The following NCOA2 variants were observed in gnomAD, a reference collection of about 807,000 sequenced individuals.
NCOA2 encodes nuclear receptor coactivator 2, also known as class E basic helix-loop-helix protein 75.
Under a neutral mutation model 145.1 loss-of-function variants are expected in NCOA2, and 21 were observed. That is an observed-to-expected ratio of 0.14 (90% CI 0.10 to 0.21). NCOA2 has a LOEUF of 0.21. NCOA2 is among the 10% of genes least tolerant of loss of function. The pLI is 1.00. For synonymous variants in NCOA2, 619 were observed against 637.5 expected (o/e 0.97, Z 0.44); for missense variants, 1,472 against 1,837.6 (o/e 0.80, Z 3.64).
the NCOA2 span, among the ~76,000 whole-genome samples, chr8:70,455,881 C>G: frequency 6.6e-6 from 1 of 152,062 alleles, no homozygotes; most frequent in Non-Finnish European, 1.5e-5. Flanking sequence ...GAGATTCCAT[C>G]TAGATCAGAT....
At chr8:70,220,608 C>A (rs1820053702) in intron 2 of NCOA2, among the ~76,000 whole-genome samples, 1 of 152,120 alleles carries the variant, frequency 6.6e-6, no homozygotes, top group African/African-American at 2.4e-5. Context: ...GTGAACAAAG[C>A]CAGTTGAATC....
intron 2 of NCOA2, among the ~76,000 whole-genome samples, chr8:70,290,810 T>TA (rs61035289): frequency 0.016 from 2,420 of 147,614 alleles, 68 homozygotes; most frequent in African/African-American, 0.058. Context: ...AATTTCAGCT[T>TA]AAAAAAAAAA....
At chr8:70,329,022 C>T (rs886064079) in intron 1 of NCOA2, among the ~76,000 whole-genome samples, 1 of 152,124 alleles carries the variant, frequency 6.6e-6, no homozygotes, top group Non-Finnish European at 1.5e-5. Flanking sequence ...GTGGCATGAT[C>T]ATAGCTCACT....
chr8:70,439,626 A>G, the NCOA2 span, among the ~76,000 whole-genome samples: 1 of 152,014 alleles, frequency 6.6e-6, no homozygotes, highest in African/African-American at 2.4e-5. Flanking sequence ...ATACGTGGAT[A>G]AGGTGAACAT....
At chr8:70,214,214 A>G in intron 3 of NCOA2, 139 bp from the exon 4 acceptor site, 1 of 837,792 alleles carries the variant, frequency 1.2e-6, no homozygotes, top group Non-Finnish European at 1.8e-6. Flanking sequence ...TGGGGGAAAA[A>G]CACAATTTTC....
rs951257879 is a variant in NCOA2 at position 70,159,751 on chromosome 8, C to T, written c.977-99G>A. The T allele has an allele frequency of 2.8e-6, 3 of 1,079,316 alleles. No individual in the cohort carries two copies. In the African/African-American group the frequency reaches 4.7e-5, roughly 17 times the overall value. The allele number at this position is 1,079,316 out of a possible 1,614,324, so 66.9% of individuals were successfully genotyped here. A position where few individuals can be genotyped will look rare whatever the true frequency, so the allele number is the denominator to read the frequency against. ...AAGAGTAATCAACTTCATTAAGTTTCATAATAGTTTCCCACCAGCATGTAA... is the reference window on the plus strand; with the variant it reads ...AAGAGTAATCAACTTCATTAAGTTTTATAATAGTTTCCCACCAGCATGTAA... On this transcript the variant is annotated intron_variant, in intron 9 of 22. Transcript: ENST00000452400.
At chr8:70,441,419 C>T in the NCOA2 span, among the ~76,000 whole-genome samples, 1 of 100,614 alleles carries the variant, frequency 9.9e-6, no homozygotes, top group East Asian at 2.6e-4. Context: ...AGAAAGAAAA[C>T]AAAGAGGGAG....
intron 2 of NCOA2, among the ~76,000 whole-genome samples, chr8:70,230,226 G>C (rs542816395): frequency 6.6e-6 from 1 of 152,254 alleles, no homozygotes; most frequent in Admixed American, 6.5e-5. Context: ...TACTGCAAAA[G>C]GCCACATATT....
At chr8:70,196,634 A>G (rs114610263) in intron 4 of NCOA2, among the ~76,000 whole-genome samples, 1,805 of 152,322 alleles carry the variant, frequency 0.012, 50 homozygotes, top group African/African-American at 0.041. Context: ...AATTATCAAA[A>G]TCTCTTTTCT....
At chr8:70,427,944 T>C in the NCOA2 span, among the ~76,000 whole-genome samples, 1 of 152,196 alleles carries the variant, frequency 6.6e-6, no homozygotes, top group Admixed American at 6.5e-5. Context: ...GTCACAATTA[T>C]ATGCCACAAA....
chr8:70,397,213 C>T (rs187361926), intron 1 of NCOA2, among the ~76,000 whole-genome samples: 3 of 152,268 alleles, frequency 2.0e-5, no homozygotes, highest in East Asian at 3.9e-4. Context: ...AATCTTAGCA[C>T]TCTGTGAGGC....
upstream of NCOA2, among the ~76,000 whole-genome samples, chr8:70,405,452 T>TG (rs1258469222): frequency 2.7e-4 from 35 of 130,804 alleles, no homozygotes; most frequent in African/African-American, 6.9e-4. Flanking sequence ...TTTTTTTTTT[T>TG]TTTTTTTTTT....
At chr8:70,271,206 T>C (rs1825018776) in intron 2 of NCOA2, among the ~76,000 whole-genome samples, 1 of 152,234 alleles carries the variant, frequency 6.6e-6, no homozygotes, top group Non-Finnish European at 1.5e-5. Context: ...CTGGTCCTGA[T>C]TCTAAGCAAG....
In NCOA2 at chr8:70,172,733, T is replaced by A. The variant is rs184989175; in HGVS notation, c.363+2023A>T. ...CACCCTTTGATAGGGATTTTCATAATCATATTACCTATGGTTCATTTTTAA... is the reference window on the plus strand; with the variant it reads ...CACCCTTTGATAGGGATTTTCATAAACATATTACCTATGGTTCATTTTTAA... On this transcript the variant is annotated intron_variant, in intron 5 of 22. Coordinates refer to ENST00000452400, the MANE Select transcript of NCOA2 (RefSeq NM_006540.4). Among the ~76,000 whole-genome samples, 15 of 152,336 alleles carry A rather than the reference T, an allele frequency of 9.8e-5. No homozygotes were observed. In the East Asian group the frequency reaches 2.9e-3, roughly 29 times the overall value.
At chr8:70,422,431 G>C in the NCOA2 span, among the ~76,000 whole-genome samples, 1 of 149,596 alleles carries the variant, frequency 6.7e-6, no homozygotes, top group African/African-American at 2.5e-5. Flanking sequence ...TTGTTTTTGT[G>C]TTGGGGTCTC....
intron 4 of NCOA2, among the ~76,000 whole-genome samples, chr8:70,211,133 GCA>G (rs1396036476): frequency 2.0e-5 from 3 of 152,106 alleles, no homozygotes; most frequent in African/African-American, 7.2e-5. Flanking sequence ...CGCATGGGTT[GCA>G]CAGATTTTCT....
At chr8:70,312,319 G>A (rs1336921328) in intron 1 of NCOA2, among the ~76,000 whole-genome samples, 1 of 152,008 alleles carries the variant, frequency 6.6e-6, no homozygotes, top group Non-Finnish European at 1.5e-5. Flanking sequence ...AAGACTCCTG[G>A]AACAAGAAAA....
the NCOA2 span, among the ~76,000 whole-genome samples, chr8:70,454,020 C>T: frequency 1.3e-5 from 2 of 152,164 alleles, no homozygotes; most frequent in Non-Finnish European, 2.9e-5. Context: ...TTTTGACAAA[C>T]TCTTAAGGAT....
At chr8:70,318,936 A>G (rs1359131695) in intron 1 of NCOA2, among the ~76,000 whole-genome samples, 1 of 152,250 alleles carries the variant, frequency 6.6e-6, no homozygotes, top group African/African-American at 2.4e-5. Context: ...GGAGATATTC[A>G]GACCTAAATT....
Sources: allele counts gnomAD v4.1 joint callset (sites outside exome capture counted in the v4.1 genomes callset), GRCh38; gene constraint gnomAD v4.1.1; transcripts MANE v1.5; gene names NCBI Gene and HGNC (gene_info 2026-07-23, HGNC 2026-07-21).